The following FKBP5 variants were observed in gnomAD, a reference collection of about 807,000 sequenced individuals.
The protein encoded by FKBP5 is FKBP prolyl isomerase 5, also known as peptidyl-prolyl cis-trans isomerase FKBP5.
FKBP5 carries 23 observed loss-of-function variants against 50.5 expected under a neutral mutation model. The ratio of observed to expected loss-of-function variants is 0.46; its 90% CI spans 0.33 to 0.65. The LOEUF is 0.65. FKBP5 is among the 30% of genes least tolerant of loss of function. The pLI, the probability that FKBP5 is intolerant of heterozygous loss-of-function variation, is 0.02. For synonymous variants in FKBP5, 176 were observed against 190.6 expected, an observed-to-expected ratio of 0.92 and a Z score of 0.63; for missense variants, 411 against 553.1, an observed-to-expected ratio of 0.74 and a Z score of 2.58.
chr6:35,685,668 C>T lies in FKBP5; in HGVS notation c.-20+3136G>A, dbSNP rs552589813. Among the ~76,000 whole-genome samples, 20 of 152,190 alleles carry T rather than the reference C, an allele frequency of 1.3e-4. No individual in the cohort carries two copies. The South Asian group carries it at 3.5e-3, about 27-fold the overall frequency. ...GAGGAATTCTTCATGCCGGGTACAG[C>T]AAGCATATTACTGTTAAATAAAGCA... On this transcript the variant is annotated intron_variant, in intron 1 of 10. Transcript: ENST00000357266.
chr6:35,618,305 A>G (rs1474045570), intron 5 of FKBP5, among the ~76,000 whole-genome samples: 1 of 152,220 alleles, frequency 6.6e-6, no homozygotes, highest in Non-Finnish European at 1.5e-5. Context: ...AGAGGCTGGT[A>G]GCATGCCTGA....
chr6:35,683,118 ATATGTGTGTGTGTGTGTGTGTGTGTGTG>A (rs1470925640), intron 1 of FKBP5, among the ~76,000 whole-genome samples: 11 of 108,814 alleles, frequency 1.0e-4, no homozygotes, highest in African/African-American at 2.5e-4. Context: ...ATATATACGT[ATATGTGTGTGTGTGTGTGTGTGTGTGTG>A]TGTGTGTGTG....
At chr6:35,723,886 C>T (rs1464966204) in intron 1 of FKBP5, among the ~76,000 whole-genome samples, 1 of 152,252 alleles carries the variant, frequency 6.6e-6, no homozygotes, top group Non-Finnish European at 1.5e-5. Flanking sequence ...CCTCTCTTAG[C>T]TCAGGAGAGG....
At chr6:35,581,779 GA>G (rs1270518468) in intron 8 of FKBP5, 2 of 985,368 alleles carry the variant, frequency 2.0e-6, no homozygotes, top group African/African-American at 1.7e-5. Flanking sequence ...CATCCTGCCA[GA>G]TGGCAGAGGA....
chr6:35,648,315 G>A (rs531409154), intron 1 of FKBP5, among the ~76,000 whole-genome samples: 2 of 152,106 alleles, frequency 1.3e-5, no homozygotes, highest in Non-Finnish European at 2.9e-5. Context: ...TGTTGCCCAG[G>A]CTGGAGTGCA....
chr6:35,672,965 G>A lies in FKBP5; in HGVS notation c.-20+15839C>T, dbSNP rs143224792. Among the ~76,000 whole-genome samples, 551 of 152,028 alleles carry A rather than the reference G, an allele frequency of 3.6e-3. 2 individuals are homozygous for A. Among genetic ancestry groups the A allele is most frequent in the Non-Finnish European group, 5.7e-3 (389 of 67,984 alleles). On this transcript the variant is annotated intron_variant, in intron 1 of 10. Coordinates refer to ENST00000357266, the MANE Select transcript of FKBP5 (RefSeq NM_004117.4). ...AAGAAAAAAAGTACTTGTACATTAT[G>A]CAAATGTTCAAAATGCAGAGAGGGC...
At chr6:35,637,629 A>C (rs1028020613) in intron 2 of FKBP5, among the ~76,000 whole-genome samples, 2 of 151,660 alleles carry the variant, frequency 1.3e-5, no homozygotes, top group African/African-American at 4.8e-5. Context: ...GTGCTCAGCT[A>C]ATTTTTGTAT....
intron 2 of FKBP5, among the ~76,000 whole-genome samples, chr6:35,712,948 G>T (rs768988872): frequency 2.6e-5 from 4 of 151,742 alleles, no homozygotes; most frequent in Non-Finnish European, 4.4e-5. Context: ...GTGGTGGTGG[G>T]TGCCTGTAGT....
At chr6:35,713,643 C>T (rs1443854899) in intron 2 of FKBP5, among the ~76,000 whole-genome samples, 1 of 152,210 alleles carries the variant, frequency 6.6e-6, no homozygotes, top group East Asian at 1.9e-4. Context: ...GAGCAGCAAA[C>T]GCTCCTGCCC....
chr6:35,579,147 C>G (rs1033856358), intron 9 of FKBP5, among the ~76,000 whole-genome samples: 2 of 148,902 alleles, frequency 1.3e-5, no homozygotes, highest in African/African-American at 5.2e-5. Context: ...AAAACACACA[C>G]ACGCGCGCGC....
At chr6:35,728,044 A>T (rs1340495748) in intron 1 of FKBP5, among the ~76,000 whole-genome samples, 1 of 152,170 alleles carries the variant, frequency 6.6e-6, no homozygotes, top group African/African-American at 2.4e-5. Context: ...GCCGAGCGCA[A>T]GCCGCGAGCA....
intron 5 of FKBP5, among the ~76,000 whole-genome samples, chr6:35,605,381 ATCT>A (rs1182798443): frequency 3.3e-5 from 3 of 90,440 alleles, no homozygotes. Flanking sequence ...CTATGACAAT[ATCT>A]TTTTTTTTTT....
intron 3 of FKBP5, among the ~76,000 whole-genome samples, chr6:35,622,072 G>A (rs752260535): frequency 6.6e-5 from 10 of 152,170 alleles, no homozygotes; most frequent in African/African-American, 9.6e-5. Context: ...GTGAGCTGGT[G>A]GTAGGATATT....
At chr6:35,640,817 G>C (rs1764463980) in intron 2 of FKBP5, among the ~76,000 whole-genome samples, 1 of 151,388 alleles carries the variant, frequency 6.6e-6, no homozygotes, top group South Asian at 2.1e-4. Flanking sequence ...CATAAACCTA[G>C]GCCTACAGAG....
intron 10 of FKBP5, 121 bp downstream of exon 10, chr6:35,576,873 A>T: frequency 8.0e-7 from 1 of 1,254,030 alleles, no homozygotes; most frequent in Non-Finnish European, 1.1e-6. Flanking sequence ...CTCAGATTAG[A>T]TTGGAAATCG....
At chr6:35,646,727 T>C (rs1764640660) in intron 1 of FKBP5, among the ~76,000 whole-genome samples, 1 of 152,172 alleles carries the variant, frequency 6.6e-6, no homozygotes, top group African/African-American at 2.4e-5. Flanking sequence ...TGATAAAGCT[T>C]ACTGTGCTGA....
chr6:35,615,197 T>G (rs1763613436), intron 5 of FKBP5, among the ~76,000 whole-genome samples: 1 of 146,548 alleles, frequency 6.8e-6, no homozygotes, highest in African/African-American at 2.5e-5. Flanking sequence ...GAGGCTGATG[T>G]AGAAATACAT....
intron 2 of FKBP5, among the ~76,000 whole-genome samples, chr6:35,705,709 G>T (rs988862101): frequency 1.3e-5 from 2 of 152,184 alleles, no homozygotes; most frequent in African/African-American, 4.8e-5. Context: ...CTATCTGGGG[G>T]TGAGGAGGGT....
chr6:35,637,356 T>C (rs1184371978), intron 2 of FKBP5, among the ~76,000 whole-genome samples, 198 bp from the exon 3 acceptor site: 1 of 152,196 alleles, frequency 6.6e-6, no homozygotes, highest in East Asian at 1.9e-4. Context: ...GTCTTTTATG[T>C]TATATCTACT....
Sources: allele counts gnomAD v4.1 joint callset (sites outside exome capture counted in the v4.1 genomes callset), GRCh38; gene constraint gnomAD v4.1.1; transcripts MANE v1.5; gene names NCBI Gene and HGNC (gene_info 2026-07-23, HGNC 2026-07-21).